MARCHF6: variants seen among roughly 807,000 people sequenced by gnomAD.
MARCHF6 encodes the protein E3 ubiquitin-protein ligase MARCHF6.
MARCHF6 carries 31 observed loss-of-function variants against 133.7 expected under a neutral mutation model. That is an observed-to-expected ratio of 0.23 (90% CI 0.17 to 0.31). MARCHF6 has a LOEUF of 0.31. MARCHF6 is among the 10% of genes least tolerant of loss of function. The pLI is 1.00. For synonymous variants in MARCHF6, 395 were observed against 402.5 expected (o/e 0.98, Z 0.22); for missense variants, 723 against 1,121.6 (o/e 0.64, Z 5.08).
intron 4 of MARCHF6, among the ~76,000 whole-genome samples, chr5:10,382,233 A>G (rs1347946490): frequency 6.6e-6 from 1 of 152,208 alleles, no homozygotes; most frequent in African/African-American, 2.4e-5. Flanking sequence ...GATATGAAGT[A>G]TGCTAGAGCT....
At chr5:10,411,311 T>A in intron 18 of MARCHF6, 22 bp from the exon 19 acceptor site, 1 of 1,597,420 alleles carries the variant, frequency 6.3e-7, no homozygotes, top group Non-Finnish European at 8.6e-7. Context: ...TGAGACTTGT[T>A]ACTGATGTAA....
chr5:10,383,921 T>C (rs1737312707), intron 4 of MARCHF6, among the ~76,000 whole-genome samples: 1 of 152,210 alleles, frequency 6.6e-6, no homozygotes, highest in Non-Finnish European at 1.5e-5. Flanking sequence ...ATAGATGTTC[T>C]AGATGTAGGT....
intron 1 of MARCHF6, among the ~76,000 whole-genome samples, chr5:10,375,128 T>G (rs1164864146): frequency 6.6e-6 from 1 of 152,196 alleles, no homozygotes; most frequent in Middle Eastern, 3.2e-3. Context: ...AGGCCAGAAC[T>G]GGCTCCCTCA....
At chr5:10,388,558 C>T (rs574647865) in intron 5 of MARCHF6, among the ~76,000 whole-genome samples, 1 of 152,272 alleles carries the variant, frequency 6.6e-6, no homozygotes, top group African/African-American at 2.4e-5. Flanking sequence ...TTGGGCTGGG[C>T]TCAGCTGAGC....
intron 1 of MARCHF6, among the ~76,000 whole-genome samples, chr5:10,370,349 T>C (rs578117074): frequency 6.6e-6 from 1 of 152,182 alleles, no homozygotes; most frequent in South Asian, 2.1e-4. Context: ...GTGATCCTCT[T>C]GCCTGAGCCT....
In MARCHF6 at chr5:10,438,537, C is replaced by G. The variant is rs1027685122; in HGVS notation, c.*4853C>G. 9 of 152,192 alleles carry G rather than the reference C, an allele frequency of 5.9e-5. No individual in the cohort carries two copies. The highest frequency in any genetic ancestry group is 2.2e-4 in the African/African-American group (9 of 41,438). The allele number at this position is 152,192 out of a possible 1,614,324, so 9.4% of individuals were successfully genotyped here. A position where few individuals can be genotyped will look rare whatever the true frequency, so the allele number is the denominator to read the frequency against. ...CCCCCTTCCGCTCCACAGTTCATAG[C>G]TACTCTTGTTGCAAACATGTAGTGA... On this transcript the variant is annotated 3_prime_UTR_variant, in exon 26 of 26. Coordinates refer to ENST00000274140, the MANE Select transcript of MARCHF6 (RefSeq NM_005885.4).
intron 21 of MARCHF6, among the ~76,000 whole-genome samples, chr5:10,417,003 C>T (rs1739550764): frequency 2.6e-5 from 4 of 152,186 alleles, no homozygotes; most frequent in Non-Finnish European, 4.4e-5. Flanking sequence ...GAGCAGGGGC[C>T]TTGGCCAGTC....
At chr5:10,395,061 A>G (rs1304045902) in intron 9 of MARCHF6, among the ~76,000 whole-genome samples, 2 of 152,142 alleles carry the variant, frequency 1.3e-5, no homozygotes, top group African/African-American at 2.4e-5. Flanking sequence ...GGCCTCCCCA[A>G]GTGCTGGGAT....
At chr5:10,431,434 C>G (rs186436821) in intron 25 of MARCHF6, among the ~76,000 whole-genome samples, 1 of 152,310 alleles carries the variant, frequency 6.6e-6, no homozygotes, top group Non-Finnish European at 1.5e-5. Context: ...TTCCCATTGA[C>G]CTCTTCTTTC....
At chr5:10,394,697 G>C in intron 8 of MARCHF6, 56 bp from the exon 9 acceptor site, 1 of 1,375,094 alleles carries the variant, frequency 7.3e-7, no homozygotes. Context: ...TCATAAATTA[G>C]AATAGAAAGT....
At chr5:10,395,855 G>A (rs1242954234) in intron 9 of MARCHF6, among the ~76,000 whole-genome samples, 2 of 152,158 alleles carry the variant, frequency 1.3e-5, no homozygotes, top group Non-Finnish European at 2.9e-5. Flanking sequence ...AGTTGTGTAG[G>A]TTTTTAGGAA....
At chr5:10,401,693 T>G (rs1738541982) in intron 11 of MARCHF6, 1 of 263,082 alleles carries the variant, frequency 3.8e-6, no homozygotes, top group African/African-American at 2.2e-5. Flanking sequence ...AGCTGGTGGG[T>G]GACTTGGGCA....
At chr5:10,390,572 A>C (rs1737764916) in intron 6 of MARCHF6, 72 bp downstream of exon 6, 1 of 1,366,824 alleles carries the variant, frequency 7.3e-7, no homozygotes, top group East Asian at 2.5e-5. Flanking sequence ...CTGAGACTCA[A>C]ACTCTTGACT....
In MARCHF6 at chr5:10,429,867, A is replaced by G; in HGVS notation, c.2507-26A>G. 1.9e-6 allele frequency: 3 copies of G among 1,601,374 alleles called. No individual in the cohort carries two copies. In the East Asian group the frequency reaches 6.7e-5, roughly 36 times the overall value. On this transcript the variant is annotated intron_variant, in intron 24 of 25. Transcript: ENST00000274140. ...TGTCACTGTTATTTCACATACACTG[A>G]AAGTTTTTCTTTTTTGGTTTTCTAG...
chr5:10,367,118 C>T (rs1229737177), intron 1 of MARCHF6, among the ~76,000 whole-genome samples: 1 of 152,094 alleles, frequency 6.6e-6, no homozygotes, highest in Non-Finnish European at 1.5e-5. Flanking sequence ...TGTACCTGAC[C>T]AGTACTCCTT....
chr5:10,389,295 G>A (rs998108422), intron 5 of MARCHF6, among the ~76,000 whole-genome samples: 1 of 152,134 alleles, frequency 6.6e-6, no homozygotes, highest in Admixed American at 6.5e-5. Flanking sequence ...GCATTTTCTT[G>A]TATGATTACT....
intron 25 of MARCHF6, among the ~76,000 whole-genome samples, chr5:10,431,821 A>T (rs1427930811): frequency 2.0e-5 from 3 of 152,142 alleles, no homozygotes; most frequent in African/African-American, 7.2e-5. Context: ...TCATTGCCAT[A>T]ATGCTGACCA....
chr5:10,369,578 A>T (rs1460992287), intron 1 of MARCHF6, among the ~76,000 whole-genome samples: 1 of 149,272 alleles, frequency 6.7e-6, no homozygotes, highest in Non-Finnish European at 1.5e-5. Context: ...TAGCCAGCAC[A>T]GTCAAGGTAT....
chr5:10,402,001 A>C (rs1357489288), intron 11 of MARCHF6, 58 bp from the exon 12 acceptor site: 1 of 972,208 alleles, frequency 1.0e-6, no homozygotes, highest in African/African-American at 1.6e-5. Flanking sequence ...ATATGGGAAA[A>C]CCGGGGTGTA....
Sources: gnomAD v4.1 joint callset for allele counts (sites outside exome capture counted in the v4.1 genomes callset) on GRCh38, gnomAD v4.1.1 for gene constraint, MANE v1.5 for transcripts, NCBI Gene and HGNC (gene_info 2026-07-23, HGNC 2026-07-21) for gene names.